The following ARHGEF10 variants were observed in gnomAD, a reference collection of about 807,000 sequenced individuals.
The protein encoded by ARHGEF10 is Rho guanine nucleotide exchange factor (GEF) 10.
In ARHGEF10, 140 loss-of-function variants were observed where a neutral mutation model predicts 147.4. That is an observed-to-expected ratio of 0.95 (90% CI 0.83 to 1.09). The LOEUF is 1.09. Among genes scored for constraint, ARHGEF10 ranks in the 50% least tolerant of loss-of-function variants. ARHGEF10 has a pLI of 0.00. For synonymous variants in ARHGEF10, 902 were observed against 695.8 expected (o/e 1.30, Z -4.67); for missense variants, 2,222 against 1,752.7 (o/e 1.27, Z -4.78).
intron 10 of ARHGEF10, among the ~76,000 whole-genome samples, 153 bp from the exon 11 acceptor site, chr8:1,885,448 A>T (rs1015544084): frequency 1.3e-5 from 2 of 152,226 alleles, no homozygotes; most frequent in African/African-American, 4.8e-5. Context: ...TGGATTTGTT[A>T]AAAATTCAAC....
At chr8:1,936,903 A>G (rs1232373867) in intron 26 of ARHGEF10, among the ~76,000 whole-genome samples, 1 of 152,150 alleles carries the variant, frequency 6.6e-6, no homozygotes, top group Non-Finnish European at 1.5e-5. Flanking sequence ...GTCTTCAGCC[A>G]GGAAAGGGCT....
rs2129298042 is a variant in ARHGEF10 at position 1,956,767 on chromosome 8, A to G, written c.3539A>G (p.Tyr1180Cys). Residue 1180 changes from tyrosine to cysteine, a missense_variant, in exon 29 of 29, where the codon TAC becomes TGC. Transcript: ENST00000349830. ...TTTTCAGGAAGAGGCATGGTCTCCT[A>G]CCATGCACACAACAGTCCTGTCAAA... ...PKVTGRGMVS[Y>C]HAHNSPVKFI... The G allele has an allele frequency of 6.2e-7, 1 of 1,613,972 alleles. No individual in the cohort carries two copies. The highest frequency in any genetic ancestry group is 2.2e-5 in the East Asian group (1 of 44,872).
At chr8:1,908,800 TC>T (rs534618467) in intron 17 of ARHGEF10, among the ~76,000 whole-genome samples, 83 of 150,876 alleles carry the variant, frequency 5.5e-4, no homozygotes, top group South Asian at 3.8e-3. Context: ...GGGTTTTTTT[TC>T]GGTTCAATTT....
At chr8:1,863,382 G>C (rs73176790) in intron 4 of ARHGEF10, among the ~76,000 whole-genome samples, 3,529 of 152,336 alleles carry the variant, frequency 0.023, 79 homozygotes, top group Non-Finnish European at 0.039. Flanking sequence ...GTTACATCGA[G>C]CTCAGCTGTC....
At position 1,860,150 on chromosome 8, in the gene ARHGEF10, G is replaced by T. The variant is rs530470887; in HGVS notation, c.447G>T (p.Pro149=). 1.9e-6 allele frequency: 3 copies of T among 1,613,772 alleles called. No homozygotes were observed. The South Asian group carries it at 3.3e-5, about 18-fold the overall frequency. ...TCCTGCTGCCCGCCTACTCCAGCCC[G>T]GTCATCATCTGCGCCACGTCCCTGG... The part of the protein sequence containing the change: ...LPLLLPAYSS[P]VIICATSLDE... The change falls in exon 4 of 29, where the codon CCG becomes CCT. Residue 149 remains proline (P), a synonymous_variant. Transcript: ENST00000349830.
intron 2 of ARHGEF10, among the ~76,000 whole-genome samples, chr8:1,852,701 TC>T (rs1563178761): frequency 6.6e-6 from 1 of 152,252 alleles, no homozygotes; most frequent in East Asian, 1.9e-4. Flanking sequence ...CTTAAAGTTT[TC>T]TATTTCATAA....
At chr8:1,946,592 A>G (rs11136448) in intron 27 of ARHGEF10, among the ~76,000 whole-genome samples, 140,957 of 152,280 alleles carry the variant, frequency 0.93, 65,265 homozygotes, top group East Asian at 1. Context: ...ATCCTCATGA[A>G]CTCATCTAAC....
intron 7 of ARHGEF10, among the ~76,000 whole-genome samples, chr8:1,874,354 G>A (rs1369835347): frequency 6.6e-6 from 1 of 152,192 alleles, no homozygotes; most frequent in East Asian, 1.9e-4. Flanking sequence ...CCTTAACAAG[G>A]CATTGAGAGA....
At position 1,898,645 on chromosome 8, in the gene ARHGEF10, C is replaced by G. The variant is rs192067689; in HGVS notation, c.1650+120C>G. ...CCCCTCGGGCCTCCTCATCTCCTCT[C>G]TAGGCAGTTACAGGAGGTGGAGGGT... On this transcript the variant is annotated intron_variant, in intron 15 of 28. Transcript: ENST00000349830. The G allele has an allele frequency of 1.3e-3, 1,330 of 1,011,874 alleles. 18 individuals are homozygous for G. In the African/African-American group the frequency reaches 0.018, roughly 13 times the overall value. The allele number at this position is 1,011,874 out of a possible 1,614,324, so 62.7% of individuals were successfully genotyped here.
intron 2 of ARHGEF10, among the ~76,000 whole-genome samples, chr8:1,856,271 A>C (rs748269405): frequency 8.5e-5 from 13 of 152,174 alleles, no homozygotes; most frequent in Non-Finnish European, 1.8e-4. Flanking sequence ...TCATTCTCAT[A>C]CTTGTAAAAC....
chr8:1,925,160 G>T, intron 21 of ARHGEF10, 123 bp from the exon 22 acceptor site: 1 of 1,175,818 alleles, frequency 8.5e-7, no homozygotes, highest in Non-Finnish European at 1.2e-6. Context: ...GTAAAACATG[G>T]CGTTGTCTGG....
In ARHGEF10 at chr8:1,898,514, C is replaced by T. The variant is rs1585450757; in HGVS notation, c.1639C>T (p.Leu547Phe). 6.2e-7 allele frequency: 1 copy of T among 1,614,102 alleles called. No homozygotes were observed. The highest frequency in any genetic ancestry group is 8.5e-7 in the Non-Finnish European group (1 of 1,179,960). ...CATCCAGAGGTTCCCACAGTTCATC[C>T]TCCTGCTCCAGGTAAGTGCTTCACG... ...KPIQRFPQFILLLQDMLKNTS... is the reference protein window; with the variant it reads ...KPIQRFPQFIFLLQDMLKNTS... The change falls in exon 15 of 29, where the codon CTC (leucine) becomes TTC (phenylalanine). Residue 547 changes from leucine (L) to phenylalanine (F), a missense_variant. Coordinates refer to ENST00000349830, the MANE Select transcript of ARHGEF10 (RefSeq NM_014629.4).
intron 17 of ARHGEF10, among the ~76,000 whole-genome samples, chr8:1,909,056 G>A (rs546595788): frequency 6.6e-6 from 1 of 152,168 alleles, no homozygotes; most frequent in Non-Finnish European, 1.5e-5. Context: ...CGGAGCTTCC[G>A]GGAGATCCGT....
At chr8:1,839,025 T>A (rs1045903198) in intron 1 of ARHGEF10, among the ~76,000 whole-genome samples, 4 of 151,986 alleles carry the variant, frequency 2.6e-5, no homozygotes, top group Non-Finnish European at 2.9e-5. Flanking sequence ...ATGTGGGGAC[T>A]GTCCAGCGTG....
chr8:1,841,057 C>G (rs1412640588), intron 1 of ARHGEF10, among the ~76,000 whole-genome samples: 1 of 152,190 alleles, frequency 6.6e-6, no homozygotes, highest in East Asian at 1.9e-4. Flanking sequence ...CAAGGACATG[C>G]CGTCGGGGCC....
chr8:1,857,875 GATCGATCTATCTATCTATCTATCTATCT>G (rs1333934980), intron 2 of ARHGEF10, 57 bp from the exon 3 acceptor site: 13 of 918,436 alleles, frequency 1.4e-5, no homozygotes, highest in African/African-American at 9.8e-5. Context: ...AACATAGATC[GATCGATCTATCTATCTATCTATCTATCT>G]ATCTATCTAT....
chr8:1,945,390 A>G, intron 26 of ARHGEF10, 91 bp from the exon 27 acceptor site: 3 of 1,471,070 alleles, frequency 2.0e-6, no homozygotes, highest in South Asian at 2.4e-5. Flanking sequence ...CAGCCACTGA[A>G]TGGCGCTCCA....
chr8:1,934,210 G>T (rs963468938), intron 26 of ARHGEF10, among the ~76,000 whole-genome samples: 1 of 152,046 alleles, frequency 6.6e-6, no homozygotes, highest in South Asian at 2.1e-4. Flanking sequence ...CACCTGTAGT[G>T]GATGTGGTGG....
At chr8:1,830,353 A>C (rs957852526) in intron 1 of ARHGEF10, among the ~76,000 whole-genome samples, 5 of 151,996 alleles carry the variant, frequency 3.3e-5, no homozygotes, top group African/African-American at 9.7e-5. Flanking sequence ...CCAGGCTGCC[A>C]GGAGCCTCCG....
Sources: allele counts gnomAD v4.1 joint callset (sites outside exome capture counted in the v4.1 genomes callset), GRCh38; gene constraint gnomAD v4.1.1; transcripts MANE v1.5; gene names NCBI Gene and HGNC (gene_info 2026-07-23, HGNC 2026-07-21).